The following PCM1 variants were observed in gnomAD, a reference collection of about 807,000 sequenced individuals.
PCM1 encodes pericentriolar material 1 protein.
PCM1 carries 157 observed loss-of-function variants against 241.9 expected under a neutral mutation model. The observed-to-expected ratio is 0.65, with a 90% CI of 0.57 to 0.74. The LOEUF (loss-of-function observed/expected upper bound fraction) is 0.74, where lower values mean the gene tolerates loss of function less well. PCM1 is among the 30% of genes least tolerant of loss of function. PCM1 has a pLI of 0.00. For missense variants in PCM1, 3,478 were observed against 2,360.1 expected (o/e 1.47, Z -9.81); for synonymous variants, 1,085 against 784.9 (o/e 1.38, Z -6.39).
intron 21 of PCM1, 86 bp from the exon 22 acceptor site, chr8:17,969,491 T>A (rs1424162121): frequency 3.1e-6 from 3 of 974,016 alleles, no homozygotes; most frequent in Non-Finnish European, 4.6e-6. Flanking sequence ...TTGAATGACA[T>A]GTTTAATTAA....
chr8:17,946,085 C>A (rs182220234), intron 6 of PCM1, among the ~76,000 whole-genome samples: 7 of 152,062 alleles, frequency 4.6e-5, no homozygotes, highest in Admixed American at 1.3e-4. Context: ...CTTTGCTTTT[C>A]CATTTTCTTG....
At chr8:17,990,701 A>G (rs527690443) in intron 27 of PCM1, among the ~76,000 whole-genome samples, 1 of 152,280 alleles carries the variant, frequency 6.6e-6, no homozygotes, top group African/African-American at 2.4e-5. Flanking sequence ...TAGTTGATAA[A>G]ATAATGTAAT....
At chr8:17,977,533 C>T (rs2079184610) in intron 23 of PCM1, among the ~76,000 whole-genome samples, 1 of 152,162 alleles carries the variant, frequency 6.6e-6, no homozygotes, top group Non-Finnish European at 1.5e-5. Flanking sequence ...CCTAGAGTGT[C>T]AGGAGCATGG....
At chr8:17,940,264 C>A (rs945972106) in intron 6 of PCM1, 2 of 621,024 alleles carry the variant, frequency 3.2e-6, no homozygotes, top group East Asian at 2.7e-5. Context: ...AAAGTGTATT[C>A]CAGGGAAGAA....
intron 38 of PCM1, among the ~76,000 whole-genome samples, chr8:18,026,800 C>T (rs2094254159): frequency 6.6e-6 from 1 of 152,078 alleles, no homozygotes; most frequent in African/African-American, 2.4e-5. Context: ...TGGTCATTAT[C>T]CCTTGCTGCT....
At chr8:17,966,873 TTGTC>T (rs1330487506) in intron 20 of PCM1, 103 bp from the exon 21 acceptor site, 13 of 1,001,212 alleles carry the variant, frequency 1.3e-5, no homozygotes, top group Non-Finnish European at 1.8e-5. Flanking sequence ...TCAGAGCAGT[TTGTC>T]TGCATGCTTT....
At chr8:18,012,350 A>G (rs949150151) in intron 34 of PCM1, among the ~76,000 whole-genome samples, 1 of 152,192 alleles carries the variant, frequency 6.6e-6, no homozygotes, top group Non-Finnish European at 1.5e-5. Context: ...AACAGTGTTC[A>G]AACAACCCTT....
chr8:18,023,983 A>T (rs1032528261), intron 36 of PCM1, among the ~76,000 whole-genome samples: 4 of 152,220 alleles, frequency 2.6e-5, no homozygotes, highest in African/African-American at 4.8e-5. Flanking sequence ...GGGCAGCCAA[A>T]AGGGGGGAAT....
At chr8:18,009,179 G>A (rs982340966) in intron 30 of PCM1, among the ~76,000 whole-genome samples, 2 of 152,112 alleles carry the variant, frequency 1.3e-5, no homozygotes. Flanking sequence ...ATTTAGAGGT[G>A]GAAGATTTTG....
In PCM1 at chr8:17,937,141, G is replaced by T. The variant is rs1386200125; in HGVS notation, c.104G>T (p.Gly35Val). 1.9e-6 allele frequency: 3 copies of T among 1,560,564 alleles called. No individual in the cohort carries two copies. Among genetic ancestry groups the T allele is most frequent in the African/African-American group, 1.4e-5 (1 of 73,502 alleles). The change falls in exon 4 of 39, where the codon GGT (glycine) becomes GTT (valine). Residue 35 changes from glycine (G) to valine (V), a missense_variant. Physicochemically the swap from Gly to Val is moderately radical, Grantham distance 109. Coordinates refer to ENST00000325083, the MANE Select transcript of PCM1 (RefSeq NM_006197.4). Reference sequence around the variant, plus strand: ...GCTTTTACTTTTTTAAAGGATTGGGGTGCCCAACAGAAGAAAGCAAATAGA... The same window carrying T: ...GCTTTTACTTTTTTAAAGGATTGGGTTGCCCAACAGAAGAAAGCAAATAGA... ...VDDRLNNMDW[G>V]AQQKKANRSS...
At position 17,991,803 on chromosome 8, in the gene PCM1, C is replaced by T; in HGVS notation, c.4690+103C>T. ...TTCTGAGATTTTGGTGCACCCATCG[C>T]CTGAGCAGTATACACTGTACCCAGT... On this transcript the variant is annotated intron_variant, in intron 28 of 38. Coordinates refer to ENST00000325083, the MANE Select transcript of PCM1 (RefSeq NM_006197.4). 3 of 804,084 alleles carry T rather than the reference C, an allele frequency of 3.7e-6. No homozygotes were observed. In the South Asian group the frequency reaches 5.3e-5, roughly 14 times the overall value. 49.8% of individuals were successfully genotyped at this position (804,084 alleles called of 1,614,324 possible). A position where few individuals can be genotyped will look rare whatever the true frequency, so the allele number is the denominator to read the frequency against.
intron 29 of PCM1, among the ~76,000 whole-genome samples, chr8:17,996,402 A>G (rs2086764389): frequency 1.3e-5 from 2 of 152,138 alleles, no homozygotes; most frequent in African/African-American, 4.8e-5. Context: ...GTCACGATGG[A>G]TCATCTTTTT....
intron 34 of PCM1, 30 bp from the exon 35 acceptor site, chr8:18,013,934 C>T (rs1315725886): frequency 7.2e-7 from 1 of 1,383,592 alleles, no homozygotes; most frequent in Non-Finnish European, 1.0e-6. Context: ...ATATTTCAGG[C>T]CCTGCTATTA....
chr8:18,006,404 G>T lies in PCM1; in HGVS notation c.4962+7G>T. On this transcript the variant is annotated splice_region_variant and intron_variant, in intron 30 of 38. Coordinates refer to ENST00000325083, the MANE Select transcript of PCM1 (RefSeq NM_006197.4). ...ACTTGGAAGTATATTACAGGTAAGA[G>T]TTTATACTTGTATGATTTACCAATA... 1 of 1,589,092 alleles carries T rather than the reference G, an allele frequency of 6.3e-7. No homozygotes were observed. The highest frequency in any genetic ancestry group is 1.1e-5 in the South Asian group (1 of 90,462).
intron 6 of PCM1, among the ~76,000 whole-genome samples, chr8:17,941,028 C>G (rs570604727): frequency 7.2e-5 from 11 of 152,270 alleles, no homozygotes; most frequent in African/African-American, 2.4e-4. Context: ...TACCTGCCTC[C>G]TTTCTCTTCC....
chr8:17,970,464 C>T (rs2076467275), intron 22 of PCM1, among the ~76,000 whole-genome samples: 3 of 149,632 alleles, frequency 2.0e-5, no homozygotes, highest in Non-Finnish European at 3.0e-5. Context: ...TAACCAATAA[C>T]TCTGAGAATT....
intron 23 of PCM1, among the ~76,000 whole-genome samples, chr8:17,978,088 A>G (rs1236878772): frequency 6.6e-6 from 1 of 152,180 alleles, no homozygotes; most frequent in Admixed American, 6.6e-5. Flanking sequence ...ATTATAACAA[A>G]TTCTTTAGAG....
chr8:17,990,285 T>G (rs1276898099), intron 27 of PCM1, among the ~76,000 whole-genome samples: 2 of 152,046 alleles, frequency 1.3e-5, no homozygotes, highest in East Asian at 3.8e-4. Flanking sequence ...TTCCTTTTCC[T>G]TAAAGGAAAG....
intron 23 of PCM1, among the ~76,000 whole-genome samples, chr8:17,977,883 G>C (rs1476949004): frequency 6.6e-6 from 1 of 152,126 alleles, no homozygotes; most frequent in Non-Finnish European, 1.5e-5. Context: ...CAGCATTTGG[G>C]TCCAGCCTTA....
Sources: allele counts gnomAD v4.1 joint callset (sites outside exome capture counted in the v4.1 genomes callset), GRCh38; gene constraint gnomAD v4.1.1; transcripts MANE v1.5; gene names NCBI Gene and HGNC (gene_info 2026-07-23, HGNC 2026-07-21).